Variants in NEO1 observed in about 807,000 individuals in gnomAD.
NEO1 encodes the protein neogenin 1, also known as neogenin.
A neutral mutation model predicts 159.7 loss-of-function variants in NEO1; 63 were observed. That is an observed-to-expected ratio of 0.39 (90% confidence interval 0.32 to 0.49). The LOEUF is 0.49. NEO1 is among the 20% of genes least tolerant of loss of function. The pLI, the probability that NEO1 is intolerant of heterozygous loss-of-function variation, is 0.85. For synonymous variants in NEO1, 633 were observed against 662.0 expected (o/e 0.96, Z 0.67); for missense variants, 1,615 against 1,831.0 (o/e 0.88, Z 2.15).
chr15:73,246,368 T>C (rs1423786925), intron 9 of NEO1, among the ~76,000 whole-genome samples: 1 of 152,062 alleles, frequency 6.6e-6, no homozygotes, highest in African/African-American at 2.4e-5. Context: ...GTGTTCTCAT[T>C]ACAGGCAGAA....
At position 73,190,205 on chromosome 15, in the gene NEO1, T is replaced by G. The variant is rs922218235; in HGVS notation, c.1291+11778T>G. Among the ~76,000 whole-genome samples the G allele has an allele frequency of 4.6e-5, 7 of 152,328 alleles. No individual in the cohort carries two copies. The South Asian group carries it at 1.0e-3, about 23-fold the overall frequency. ...TGTCTGTATCTTTTGTCCATTAACT[T>G]TTTATTGGCCTTTCTTCCTGTCAGT... On this transcript the variant is annotated intron_variant, in intron 7 of 28. Coordinates refer to ENST00000261908, the MANE Select transcript of NEO1 (RefSeq NM_002499.4).
chr15:73,206,193 C>T, intron 7 of NEO1, among the ~76,000 whole-genome samples: 1 of 152,192 alleles, frequency 6.6e-6, no homozygotes, highest in East Asian at 1.9e-4. Context: ...AGGCATGAGC[C>T]ACCACACCTG....
In NEO1 at chr15:73,135,863, CTTTTTTTT is replaced by C; in HGVS notation, c.879-15_879-8del. ...TTATTTTCCTAGTACTGAAATGTAT[CTTTTTTTT>C]TTTTTTTTTTTTAACACAGCTCTGA... On this transcript the variant is annotated intron_variant, in intron 4 of 28. Transcript: ENST00000261908. The C allele has an allele frequency of 2.3e-6, 3 of 1,293,180 alleles. No homozygotes were observed. The highest frequency in any genetic ancestry group is 1.9e-5 in the South Asian group (1 of 51,850). 80.1% of individuals were successfully genotyped at this position (1,293,180 alleles called of 1,614,324 possible). A position where few individuals can be genotyped will look rare whatever the true frequency, so the allele number is the denominator to read the frequency against.
At chr15:73,291,570 G>T (rs915352755) in intron 25 of NEO1, among the ~76,000 whole-genome samples, 198 of 152,146 alleles carry the variant, frequency 1.3e-3, no homozygotes, top group Non-Finnish European at 5.3e-4. Flanking sequence ...TGAGCTCTGG[G>T]CCCTGGAATG....
At chr15:73,232,690 C>G (rs958991798) in intron 7 of NEO1, among the ~76,000 whole-genome samples, 15 of 152,154 alleles carry the variant, frequency 9.9e-5, no homozygotes, top group Non-Finnish European at 1.5e-5. Flanking sequence ...CATGGAATAC[C>G]TTGTTCCATG....
intron 11 of NEO1, among the ~76,000 whole-genome samples, chr15:73,252,414 T>C (rs2040124704): frequency 6.6e-6 from 1 of 152,244 alleles, no homozygotes; most frequent in Admixed American, 6.5e-5. Context: ...GTTACGTGGC[T>C]GTTTAACCAA....
At chr15:73,124,115 T>G (rs2071831495) in intron 3 of NEO1, among the ~76,000 whole-genome samples, 1 of 152,126 alleles carries the variant, frequency 6.6e-6, no homozygotes, top group African/African-American at 2.4e-5. Context: ...CGGGCTAGAG[T>G]GCAGTGGTGC....
chr15:73,094,965 C>T (rs545234567), intron 1 of NEO1, among the ~76,000 whole-genome samples: 4 of 152,248 alleles, frequency 2.6e-5, no homozygotes, highest in South Asian at 2.1e-4. Flanking sequence ...AAGCCCAGCA[C>T]TTTGGGAGGC....
chr15:73,238,276 T>G (rs1453726361), intron 8 of NEO1, among the ~76,000 whole-genome samples: 19 of 45,496 alleles, frequency 4.2e-4, no homozygotes, highest in African/African-American at 1.1e-3. Flanking sequence ...TTTGGGTTTT[T>G]TTTTTTTTTT....
intron 25 of NEO1, among the ~76,000 whole-genome samples, chr15:73,289,547 C>G (rs2042083476): frequency 6.6e-6 from 1 of 152,166 alleles, no homozygotes; most frequent in Non-Finnish European, 1.5e-5. Context: ...GGAAAGCTTC[C>G]CTCCTCCAGA....
At chr15:73,265,671 A>G (rs927795488) in intron 15 of NEO1, among the ~76,000 whole-genome samples, 1 of 152,034 alleles carries the variant, frequency 6.6e-6, no homozygotes, top group African/African-American at 2.4e-5. Flanking sequence ...TACTGATTCC[A>G]TTTGTTGTTA....
intron 5 of NEO1, among the ~76,000 whole-genome samples, chr15:73,166,485 A>G (rs2034577809): frequency 6.6e-6 from 1 of 152,200 alleles, no homozygotes; most frequent in Non-Finnish European, 1.5e-5. Context: ...CTCATGCTTA[A>G]GACCTGAACT....
At chr15:73,143,916 C>T (rs1464967686) in intron 5 of NEO1, among the ~76,000 whole-genome samples, 1 of 152,148 alleles carries the variant, frequency 6.6e-6, no homozygotes, top group Admixed American at 6.5e-5. Flanking sequence ...TATATGTCCT[C>T]TTCAACTCCT....
intron 5 of NEO1, among the ~76,000 whole-genome samples, chr15:73,172,244 C>CA (rs1420676069): frequency 6.6e-6 from 1 of 152,114 alleles, no homozygotes; most frequent in Non-Finnish European, 1.5e-5. Flanking sequence ...TGCCTAGGTT[C>CA]AAAATCCAGA....
At chr15:73,226,649 C>T (rs2038608989) in intron 7 of NEO1, among the ~76,000 whole-genome samples, 1 of 152,128 alleles carries the variant, frequency 6.6e-6, no homozygotes, top group Non-Finnish European at 1.5e-5. Context: ...TTTGTTCACA[C>T]TGTTACTATG....
chr15:73,136,509 C>T (rs749669382), intron 5 of NEO1, among the ~76,000 whole-genome samples: 1 of 152,112 alleles, frequency 6.6e-6, no homozygotes, highest in Admixed American at 6.5e-5. Flanking sequence ...TTATTTCTCT[C>T]CTCTCTGTTG....
intron 5 of NEO1, among the ~76,000 whole-genome samples, chr15:73,136,602 G>C (rs907265253): frequency 6.6e-6 from 1 of 152,160 alleles, no homozygotes; most frequent in African/African-American, 2.4e-5. Context: ...ATGATTTGGT[G>C]TTTATTTTCC....
chr15:73,254,094 G>A (rs2040219802), intron 12 of NEO1, among the ~76,000 whole-genome samples: 1 of 152,164 alleles, frequency 6.6e-6, no homozygotes, highest in South Asian at 2.1e-4. Context: ...GGAGGCTGAG[G>A]TGAGAGGATC....
At chr15:73,097,377 T>TTTTTG (rs2070111989) in intron 1 of NEO1, among the ~76,000 whole-genome samples, 1 of 149,228 alleles carries the variant, frequency 6.7e-6, no homozygotes, top group Non-Finnish European at 1.5e-5. Flanking sequence ...TTTTTTTTTT[T>TTTTTG]GAGACCGAGT....
Sources: gnomAD v4.1 joint callset for allele counts (sites outside exome capture counted in the v4.1 genomes callset) on GRCh38, gnomAD v4.1.1 for gene constraint, MANE v1.5 for transcripts, NCBI Gene and HGNC (gene_info 2026-07-23, HGNC 2026-07-21) for gene names.